ST3GAL3: variants seen among roughly 807,000 people sequenced by gnomAD.
ST3GAL3 encodes the protein CMP-N-acetylneuraminate-beta-1,4-galactoside alpha-2,3-sialyltransferase.
A neutral mutation model predicts 50.1 loss-of-function variants in ST3GAL3; 21 were observed. That is an observed-to-expected ratio of 0.42 (90% confidence interval 0.30 to 0.60). The LOEUF (loss-of-function observed/expected upper bound fraction) is 0.60. Among genes scored for constraint, ST3GAL3 ranks in the 20% least tolerant of loss-of-function variants. The probability of loss-of-function intolerance (pLI) is 0.19; values close to 1 mark genes in which losing one functional copy is unlikely to be tolerated. For synonymous variants in ST3GAL3, 183 were observed against 190.0 expected (o/e 0.96, Z 0.30); for missense variants, 353 against 489.4 (o/e 0.72, Z 2.63).
At chr1:43,858,406 A>G (rs550191154) in intron 5 of ST3GAL3, 6 of 1,078,532 alleles carry the variant, frequency 5.6e-6, no homozygotes, top group Non-Finnish European at 7.1e-6. Flanking sequence ...AACTGTAGGG[A>G]TGCTTAGAAG....
At chr1:43,854,039 T>C (rs369977849) in intron 5 of ST3GAL3, among the ~76,000 whole-genome samples, 14 of 152,168 alleles carry the variant, frequency 9.2e-5, no homozygotes, top group African/African-American at 2.7e-4. Context: ...GGGATTGTTA[T>C]CACTACAACA....
chr1:43,829,203 A>G (rs939889960), intron 4 of ST3GAL3, among the ~76,000 whole-genome samples: 7 of 152,112 alleles, frequency 4.6e-5, no homozygotes, highest in Non-Finnish European at 2.9e-5. Flanking sequence ...AGAAAGCTCT[A>G]TATTCAAATC....
chr1:43,911,617 A>G (rs1429750229), intron 9 of ST3GAL3, among the ~76,000 whole-genome samples: 1 of 134,558 alleles, frequency 7.4e-6, no homozygotes, highest in Non-Finnish European at 1.6e-5. Context: ...ATATCTACAG[A>G]TATATCTATA....
chr1:43,775,917 AAGG>A (rs978986737), intron 2 of ST3GAL3, among the ~76,000 whole-genome samples: 1 of 152,168 alleles, frequency 6.6e-6, no homozygotes, highest in Non-Finnish European at 1.5e-5. Context: ...GAGGCAGGTG[AAGG>A]AGATTTGTCC....
At chr1:43,883,225 T>G (rs1057229201) in intron 5 of ST3GAL3, among the ~76,000 whole-genome samples, 2 of 152,156 alleles carry the variant, frequency 1.3e-5, no homozygotes, top group Non-Finnish European at 2.9e-5. Context: ...CACCTCAGCC[T>G]TCTAAAGTGC....
intron 2 of ST3GAL3, among the ~76,000 whole-genome samples, chr1:43,754,333 C>T (rs948691813): frequency 2.6e-5 from 4 of 152,112 alleles, no homozygotes; most frequent in African/African-American, 9.7e-5. Flanking sequence ...GCTGAGATTG[C>T]AGGCACCAAG....
At chr1:43,850,713 C>T in intron 5 of ST3GAL3, 1 of 738,478 alleles carries the variant, frequency 1.4e-6, no homozygotes. Flanking sequence ...TGTTTGGTAG[C>T]CCAGCTCCGT....
chr1:43,814,368 A>G (rs1303917814), intron 3 of ST3GAL3, among the ~76,000 whole-genome samples: 2 of 152,204 alleles, frequency 1.3e-5, no homozygotes, highest in African/African-American at 4.8e-5. Context: ...AGAAGCATCA[A>G]TTTATCTTTA....
chr1:43,718,252 C>T (rs112361411), intron 1 of ST3GAL3, among the ~76,000 whole-genome samples: 33,925 of 128,652 alleles, frequency 0.26, 4,473 homozygotes, highest in Middle Eastern at 0.39. Flanking sequence ...TGCAGTGGCG[C>T]GATCTTGGCT....
chr1:43,725,521 A>G (rs971694213), intron 1 of ST3GAL3, among the ~76,000 whole-genome samples: 1 of 152,182 alleles, frequency 6.6e-6, no homozygotes, highest in Non-Finnish European at 1.5e-5. Context: ...CTGACCATAC[A>G]GGGAGGCCAA....
intron 4 of ST3GAL3, among the ~76,000 whole-genome samples, chr1:43,820,228 A>G (rs1369653356): frequency 2.6e-5 from 4 of 152,212 alleles, no homozygotes; most frequent in Non-Finnish European, 5.9e-5. Flanking sequence ...TATTCAATAA[A>G]TGGTGTTGGG....
chr1:43,856,888 CTCTA>C (rs2068498096), intron 5 of ST3GAL3, among the ~76,000 whole-genome samples: 1 of 152,174 alleles, frequency 6.6e-6, no homozygotes, highest in Non-Finnish European at 1.5e-5. Context: ...TTCCTCTTTG[CTCTA>C]TCTTCCAATT....
intron 2 of ST3GAL3, among the ~76,000 whole-genome samples, chr1:43,781,818 C>G (rs939723164): frequency 4.6e-5 from 7 of 152,136 alleles, no homozygotes; most frequent in African/African-American, 1.7e-4. Context: ...ATGCAATGAT[C>G]ACCTCCCATT....
chr1:43,774,827 C>CTTG (rs1558242677), intron 2 of ST3GAL3, among the ~76,000 whole-genome samples: 1 of 152,074 alleles, frequency 6.6e-6, no homozygotes, highest in African/African-American at 2.4e-5. Context: ...AGGTACTGTG[C>CTTG]CAAGTGAAAG....
intron 3 of ST3GAL3, among the ~76,000 whole-genome samples, chr1:43,805,211 A>G (rs1486205753): frequency 6.6e-6 from 1 of 152,234 alleles, no homozygotes; most frequent in African/African-American, 2.4e-5. Flanking sequence ...GGGCAGCCCC[A>G]GGAATCTAGG....
chr1:43,726,057 G>T (rs1363574063), intron 1 of ST3GAL3, among the ~76,000 whole-genome samples: 1 of 151,984 alleles, frequency 6.6e-6, no homozygotes, highest in Admixed American at 6.6e-5. Flanking sequence ...CTCTCATTTA[G>T]ATGTTTATTT....
intron 1 of ST3GAL3, among the ~76,000 whole-genome samples, chr1:43,733,028 A>G (rs1676613858): frequency 6.7e-6 from 1 of 148,196 alleles, no homozygotes; most frequent in South Asian, 2.1e-4. Flanking sequence ...GCCCAGGCTG[A>G]TGTGCAGTAG....
At chr1:43,744,852 G>A (rs971547351) in intron 2 of ST3GAL3, among the ~76,000 whole-genome samples, 4 of 151,850 alleles carry the variant, frequency 2.6e-5, no homozygotes, top group South Asian at 2.1e-4. Context: ...TTAGCTTGGC[G>A]TGATGGCATG....
intron 2 of ST3GAL3, among the ~76,000 whole-genome samples, chr1:43,774,176 A>G (rs148313114): frequency 2.6e-5 from 4 of 152,354 alleles, no homozygotes; most frequent in South Asian, 2.1e-4. Context: ...ACATTTTAAT[A>G]TAGACTATAA....
Sources: allele counts gnomAD v4.1 joint callset (sites outside exome capture counted in the v4.1 genomes callset), GRCh38; gene constraint gnomAD v4.1.1; transcripts MANE v1.5; gene names NCBI Gene and HGNC (gene_info 2026-07-23, HGNC 2026-07-21).